The following ATP2C1 variants were observed in gnomAD, a reference collection of about 807,000 sequenced individuals.
ATP2C1 encodes calcium-transporting ATPase type 2C member 1.
In ATP2C1, 31 loss-of-function variants were observed where a neutral mutation model predicts 120.5. The ratio of observed to expected loss-of-function variants is 0.26; its 90% CI spans 0.19 to 0.35. ATP2C1 has a LOEUF of 0.35. Ranked by LOEUF, ATP2C1 falls within the 10% of genes least tolerant of loss-of-function variation. ATP2C1 has a pLI of 1.00. For synonymous variants in ATP2C1, 351 were observed against 358.7 expected (o/e 0.98, Z 0.24); for missense variants, 731 against 1,107.5 (o/e 0.66, Z 4.83).
chr3:131,009,968 G>C (rs1577072600), intron 26 of ATP2C1, among the ~76,000 whole-genome samples: 2 of 152,084 alleles, frequency 1.3e-5, no homozygotes, highest in African/African-American at 4.8e-5. Flanking sequence ...GGTCTTGGTA[G>C]TGACAGCTTT....
At chr3:130,856,985 A>G (rs73872032) in intron 1 of ATP2C1, among the ~76,000 whole-genome samples, 4,582 of 152,332 alleles carry the variant, frequency 0.03, 216 homozygotes, top group African/African-American at 0.098. Flanking sequence ...AAATGGGTTA[A>G]GATAGAGGAC....
intron 1 of ATP2C1, among the ~76,000 whole-genome samples, chr3:130,869,998 G>A (rs2068378385): frequency 6.6e-6 from 1 of 152,184 alleles, no homozygotes; most frequent in African/African-American, 2.4e-5. Context: ...TACAGCTGTT[G>A]ACTTTAAGTT....
At position 130,894,821 on chromosome 3, in the gene ATP2C1, G is replaced by C. The variant is rs2069451609; in HGVS notation, c.6+46G>C. ...GGTTGCAACGCGGAGTTGAGGGTGT[G>C]GTGGTTTGCTTTTAAGTTGTCTTTG... On this transcript the variant is annotated intron_variant, in intron 2 of 27. Transcript: ENST00000510168. This position sits in a 1 kb window ranked among gnomAD's most constrained non-coding sequence, Gnocchi z 4.5. 1 of 1,566,436 alleles carries C rather than the reference G, an allele frequency of 6.4e-7. No individual in the cohort carries two copies. Among genetic ancestry groups the C allele is most frequent in the South Asian group, 1.1e-5 (1 of 90,138 alleles).
rs1024440078 is a variant in ATP2C1 at position 130,933,658 on chromosome 3, C to T, written c.235-964C>T. Among the ~76,000 whole-genome samples, 58 of 152,162 alleles carry T rather than the reference C, an allele frequency of 3.8e-4. 1 individual carries two copies. The highest frequency in any genetic ancestry group is 1.4e-3 in the African/African-American group (56 of 41,452). Reference sequence around the variant, plus strand: ...TAACTTATTATTTTTTAAAAATCCTCGTTAGAATCACTTGGGGAGTGCTTA... The same window carrying T: ...TAACTTATTATTTTTTAAAAATCCTTGTTAGAATCACTTGGGGAGTGCTTA... On this transcript the variant is annotated intron_variant, in intron 4 of 27. Transcript: ENST00000510168.
intron 8 of ATP2C1, among the ~76,000 whole-genome samples, chr3:130,942,254 A>G (rs1576813404): frequency 6.6e-6 from 1 of 152,334 alleles, no homozygotes; most frequent in Middle Eastern, 3.4e-3. Context: ...GTAAGGGTAG[A>G]AAACGTGTGA....
intron 12 of ATP2C1, among the ~76,000 whole-genome samples, chr3:130,961,215 A>G (rs981221143): frequency 2.7e-5 from 4 of 149,030 alleles, no homozygotes; most frequent in African/African-American, 9.9e-5. Context: ...TTGACATATT[A>G]TCCATTGGAT....
At chr3:130,986,485 A>G (rs2062018138) in intron 20 of ATP2C1, among the ~76,000 whole-genome samples, 1 of 152,236 alleles carries the variant, frequency 6.6e-6, no homozygotes. Context: ...GAAACTAATT[A>G]CAAATTACAT....
exon 27 of ATP2C1, chr3:131,016,672 CTATTAAA>C (rs1434122329): frequency 5.8e-6 from 2 of 346,976 alleles, no homozygotes; most frequent in African/African-American, 4.2e-5. Flanking sequence ...ATACAAATGA[CTATTAAA>C]TATTATTCTC....
Position 130,996,800 on chromosome 3 carries a change from C to T in ATP2C1, c.2243+4C>T, listed in dbSNP as rs771509642. 48 of 1,572,264 alleles carry T rather than the reference C, an allele frequency of 3.1e-5. No homozygotes were observed. Among genetic ancestry groups the T allele is most frequent in the Non-Finnish European group, 3.7e-5 (42 of 1,142,318 alleles). On this transcript the variant is annotated splice_donor_region_variant and intron_variant, in intron 24 of 27. Coordinates refer to ENST00000510168, the MANE Select transcript of ATP2C1 (RefSeq NM_001378687.1). Reference sequence around the variant, plus strand: ...TGGATGGACCCCCAGCTCAGAGGTACGAGTTTTTTAATTGCATGAGCTGGA... The same window carrying T: ...TGGATGGACCCCCAGCTCAGAGGTATGAGTTTTTTAATTGCATGAGCTGGA...
chr3:130,898,822 T>G (rs2069877287), intron 2 of ATP2C1, among the ~76,000 whole-genome samples: 1 of 152,188 alleles, frequency 6.6e-6, no homozygotes, highest in African/African-American at 2.4e-5. Flanking sequence ...TGATCTGTTT[T>G]GCAAGGTTAA....
chr3:130,928,929 A>G (rs2059334220), intron 2 of ATP2C1, among the ~76,000 whole-genome samples: 1 of 152,130 alleles, frequency 6.6e-6, no homozygotes, highest in African/African-American at 2.4e-5. Context: ...ATCTTCTCCA[A>G]TGTTTTACTT....
intron 2 of ATP2C1, 136 bp from the exon 3 acceptor site, chr3:130,930,280 C>A (rs2059397359): frequency 2.9e-6 from 2 of 699,116 alleles, no homozygotes; most frequent in African/African-American, 3.5e-5. Flanking sequence ...CCTATTAGGA[C>A]TAGCTACGTA....
At position 130,878,496 on chromosome 3, in the gene ATP2C1, T is replaced by C. The variant is rs571778274; in HGVS notation, c.108+27568T>C. ...TGTTCTACCAGTGAATTTTACACTA[T>C]TGTGTGTTTTCTTGATGGTAAATAT... On this transcript the variant is annotated intron_variant, in intron 1 of 26. Transcript: ENST00000504381. 3.9e-5 allele frequency among the ~76,000 whole-genome samples: 6 copies of C among 152,350 alleles called. No individual in the cohort carries two copies. In the South Asian group the frequency reaches 1.0e-3, roughly 26 times the overall value.
chr3:130,962,524 AG>A (rs2060863738), intron 12 of ATP2C1, among the ~76,000 whole-genome samples: 1 of 151,938 alleles, frequency 6.6e-6, no homozygotes, highest in African/African-American at 2.4e-5. Context: ...TACCCATTTC[AG>A]GTATAGATGC....
rs535665200 is a variant in ATP2C1 at position 130,894,168 on chromosome 3, C to G, written c.-350C>G. On this transcript the variant is annotated 5_prime_UTR_variant, in exon 1 of 28. Transcript: ENST00000510168. This position sits in a 1 kb window ranked among gnomAD's most constrained non-coding sequence, Gnocchi z 4.5. Reference sequence around the variant, plus strand: ...CTTCTCTCCCCTCCCCGCCCGCCCTCTCTCCCTCCCTTCCTCCCTCCCGCT... The same window carrying G: ...CTTCTCTCCCCTCCCCGCCCGCCCTGTCTCCCTCCCTTCCTCCCTCCCGCT... 1 of 858,118 alleles carries G rather than the reference C, an allele frequency of 1.2e-6. No homozygotes were observed. Among genetic ancestry groups the G allele is most frequent in the Non-Finnish European group, 1.4e-6 (1 of 714,022 alleles). 53.2% of individuals were successfully genotyped at this position (858,118 alleles called of 1,614,324 possible). A position where few individuals can be genotyped will look rare whatever the true frequency, so the allele number is the denominator to read the frequency against.
chr3:130,854,238 T>C (rs537874619), intron 1 of ATP2C1: 1 of 152,310 alleles, frequency 6.6e-6, no homozygotes, highest in Non-Finnish European at 1.5e-5. Context: ...ATGTAGAAGA[T>C]TAACAGCATT....
upstream of ATP2C1, chr3:130,893,990 A>G (rs2069334118): frequency 3.0e-6 from 3 of 985,664 alleles, no homozygotes; most frequent in Non-Finnish European, 3.6e-6. Context: ...AGTAATAGTG[A>G]CAAAGCTGGG....
chr3:130,945,963 C>A (rs748497086), intron 8 of ATP2C1, among the ~76,000 whole-genome samples: 20 of 151,338 alleles, frequency 1.3e-4, no homozygotes, highest in African/African-American at 4.6e-4. Context: ...CTTTCTAAGC[C>A]GAATAATACA....
chr3:130,853,341 GA>G (rs1299221689), intron 1 of ATP2C1, among the ~76,000 whole-genome samples: 1 of 152,194 alleles, frequency 6.6e-6, no homozygotes, highest in Non-Finnish European at 1.5e-5. Context: ...GGTGAGGATG[GA>G]AAGGAATTAA....
Sources: allele counts gnomAD v4.1 joint callset (sites outside exome capture counted in the v4.1 genomes callset), GRCh38; gene constraint gnomAD v4.1.1; non-coding constraint Gnocchi (gnomAD v3.1); transcripts MANE v1.5; gene names NCBI Gene and HGNC (gene_info 2026-07-23, HGNC 2026-07-21).